ZNF536: variants seen among roughly 807,000 people sequenced by gnomAD.
ZNF536 encodes the protein zinc finger protein 536.
Under a neutral mutation model 84.5 loss-of-function variants are expected in ZNF536, and 13 were observed. That is an observed-to-expected ratio of 0.15 (90% CI 0.10 to 0.24). ZNF536 has a LOEUF of 0.24. Among genes scored for constraint, ZNF536 ranks in the 10% least tolerant of loss-of-function variants. The pLI is 1.00. For missense variants in ZNF536, 1,536 were observed against 1,747.5 expected, an observed-to-expected ratio of 0.88 and a Z score of 2.16; for synonymous variants, 811 against 742.5, an observed-to-expected ratio of 1.09 and a Z score of -1.50.
At chr19:30,593,670 C>G (rs2047348745) in intron 1 of ZNF536, among the ~76,000 whole-genome samples, 1 of 152,206 alleles carries the variant, frequency 6.6e-6, no homozygotes. Flanking sequence ...TTGTTTCTCC[C>G]TCTCCTCCCT....
intron 2 of ZNF536, among the ~76,000 whole-genome samples, chr19:30,462,739 G>T (rs2053200038): frequency 6.6e-6 from 1 of 151,802 alleles, no homozygotes; most frequent in Admixed American, 6.6e-5. Context: ...ATTTGCCTGT[G>T]TTGGAATGGG....
intron 1 of ZNF536, among the ~76,000 whole-genome samples, chr19:30,428,610 C>G (rs963272737): frequency 2.6e-5 from 4 of 151,450 alleles, no homozygotes; most frequent in Non-Finnish European, 5.9e-5. Context: ...ACTGAAGTTA[C>G]AGAACACCTT....
intron 1 of ZNF536, among the ~76,000 whole-genome samples, chr19:30,596,064 C>T (rs2047453342): frequency 6.6e-6 from 1 of 152,156 alleles, no homozygotes; most frequent in Admixed American, 6.5e-5. Context: ...TGGGCTAATT[C>T]CCACCAGGGC....
Position 30,445,026 on chromosome 19 carries a change from C to T in ZNF536, c.1464C>T (p.Leu488=), listed in dbSNP as rs1476870581. The T allele has an allele frequency of 6.2e-7, 1 of 1,613,172 alleles. No individual in the cohort carries two copies. The highest frequency in any genetic ancestry group is 8.5e-7 in the Non-Finnish European group (1 of 1,179,842). ...HGVPEGDKHS[L]LGCLNLVPPL... is the part of the protein sequence containing the mutation. ...TCCCGGAGGGGGACAAGCACTCCCT[C>T]CTGGGATGCCTCAATCTCGTGCCGC... is the stretch of plus-strand genomic sequence containing the variant. Residue 488 remains leucine, a synonymous_variant, in exon 2 of 5, where the codon CTC becomes CTT. Transcript: ENST00000355537. The surrounding 1 kb of genome is among the most constrained non-coding windows in gnomAD (Gnocchi z 4.5).
intron 1 of ZNF536, among the ~76,000 whole-genome samples, chr19:30,621,684 G>GTT (rs976677402): frequency 7.9e-5 from 12 of 152,370 alleles, no homozygotes; most frequent in African/African-American, 2.9e-4. Context: ...GACATAAGCT[G>GTT]GGTGAGGAGC....
intron 1 of ZNF536, among the ~76,000 whole-genome samples, chr19:30,405,032 G>A (rs573900001): frequency 8.5e-5 from 13 of 152,332 alleles, no homozygotes; most frequent in African/African-American, 2.6e-4. Context: ...GAAGAGAGGC[G>A]TAGGGGAATG....
chr19:30,600,241 C>A (rs1433823712), intron 1 of ZNF536, among the ~76,000 whole-genome samples: 4 of 151,998 alleles, frequency 2.6e-5, no homozygotes, highest in Non-Finnish European at 5.9e-5. Context: ...TACAGGCATG[C>A]CCCACCATGC....
chr19:30,711,721 T>C (rs954178353), exon 2 of ZNF536: 5 of 152,118 alleles, frequency 3.3e-5, no homozygotes, highest in Admixed American at 3.3e-4. Flanking sequence ...GTAATTCCTT[T>C]TTTTAGATCA....
At chr19:30,454,587 G>A (rs562756463) in intron 2 of ZNF536, among the ~76,000 whole-genome samples, 1 of 152,324 alleles carries the variant, frequency 6.6e-6, no homozygotes, top group African/African-American at 2.4e-5. Context: ...TAAAAACTCA[G>A]TAGTTTGCCC....
At chr19:30,367,726 G>T (rs1487263954), upstream of ZNF536, among the ~76,000 whole-genome samples, 1 of 152,156 alleles carries the variant, frequency 6.6e-6, no homozygotes, top group African/African-American at 2.4e-5. Context: ...AGACATGAGA[G>T]TCTGGAGTAG....
At chr19:30,355,853 C>G (rs1160262345) in intron 3 of ZNF536, among the ~76,000 whole-genome samples, 2 of 152,160 alleles carry the variant, frequency 1.3e-5, no homozygotes, top group Non-Finnish European at 2.9e-5. Flanking sequence ...GCCTGATGAT[C>G]TAAAGTGGCA....
At chr19:30,516,818 T>C (rs1599659783) in intron 2 of ZNF536, among the ~76,000 whole-genome samples, 1 of 152,104 alleles carries the variant, frequency 6.6e-6, no homozygotes, top group Non-Finnish European at 1.5e-5. Flanking sequence ...GCAGTGGAAG[T>C]GCGAGGCTTC....
chr19:30,600,297 TG>T (rs2047640123), intron 1 of ZNF536, among the ~76,000 whole-genome samples: 1 of 152,160 alleles, frequency 6.6e-6, no homozygotes, highest in Non-Finnish European at 1.5e-5. Context: ...TTCACCATGT[TG>T]GCCAGGCTGG....
At chr19:30,623,311 G>C (rs963505709) in intron 1 of ZNF536, among the ~76,000 whole-genome samples, 5 of 152,124 alleles carry the variant, frequency 3.3e-5, no homozygotes, top group African/African-American at 1.2e-4. Context: ...TCTTCCCTGG[G>C]TACTATTTTC....
chr19:30,332,550 C>G (rs1352100388), intron 2 of ZNF536, among the ~76,000 whole-genome samples: 1 of 152,200 alleles, frequency 6.6e-6, no homozygotes, highest in Admixed American at 6.5e-5. Context: ...CAAATATCCC[C>G]TCCTCAGAAA....
At chr19:30,709,044 C>T (rs529876011) in intron 1 of ZNF536, among the ~76,000 whole-genome samples, 19 of 152,190 alleles carry the variant, frequency 1.2e-4, no homozygotes, top group African/African-American at 4.1e-4. Context: ...AACAGCTTCC[C>T]GGAAGCAGGG....
At chr19:30,436,363 C>A (rs183968158) in intron 1 of ZNF536, 12 of 321,482 alleles carry the variant, frequency 3.7e-5, no homozygotes, top group African/African-American at 4.5e-5. Flanking sequence ...TCCTGTTCAT[C>A]TATTAATCAT....
chr19:30,628,586 GCC>G (rs376386112), intron 1 of ZNF536, among the ~76,000 whole-genome samples: 2 of 152,146 alleles, frequency 1.3e-5, no homozygotes, highest in African/African-American at 4.8e-5. Flanking sequence ...CCGCCACCAC[GCC>G]TGGCTAAGTT....
At chr19:30,455,662 C>G (rs771088982) in intron 2 of ZNF536, among the ~76,000 whole-genome samples, 21 of 152,024 alleles carry the variant, frequency 1.4e-4, no homozygotes, top group Non-Finnish European at 2.5e-4. Context: ...GATTGTGTCA[C>G]TGCACTCCAG....
Sources: allele counts gnomAD v4.1 joint callset (sites outside exome capture counted in the v4.1 genomes callset), GRCh38; gene constraint gnomAD v4.1.1; non-coding constraint Gnocchi (gnomAD v3.1); transcripts MANE v1.5; gene names NCBI Gene and HGNC (gene_info 2026-07-23, HGNC 2026-07-21).